KCNQ2: variants seen among roughly 807,000 people sequenced by gnomAD.
The protein encoded by KCNQ2 is potassium voltage-gated channel subfamily KQT member 2.
KCNQ2 carries 14 observed loss-of-function variants against 84.8 expected under a neutral mutation model. That is an observed-to-expected ratio of 0.17 (90% CI 0.11 to 0.26). The LOEUF (loss-of-function observed/expected upper bound fraction) is 0.26, where lower values mean the gene tolerates loss of function less well. KCNQ2 is among the 10% of genes least tolerant of loss of function. The pLI, the probability that KCNQ2 is intolerant of heterozygous loss-of-function variation, is 1.00. For synonymous variants in KCNQ2, 599 were observed against 554.1 expected, an observed-to-expected ratio of 1.08 and a Z score of -1.14; for missense variants, 788 against 1,254.0, an observed-to-expected ratio of 0.63 and a Z score of 5.61.
rs1379551414 is a variant in KCNQ2, at chr20:63,404,873, A to G, written c.*1771T>C. 6.6e-6 allele frequency: 1 copy of G among 152,304 alleles called. No individual in the cohort carries two copies. The highest frequency in any genetic ancestry group is 2.4e-5 in the African/African-American group (1 of 41,462). The allele number at this position is 152,304 out of a possible 1,614,324, so 9.4% of individuals were successfully genotyped here. A position where few individuals can be genotyped will look rare whatever the true frequency, so the allele number is the denominator to read the frequency against. On this transcript the variant is annotated 3_prime_UTR_variant, in exon 17 of 17. Transcript: ENST00000359125. Reference sequence around the variant, plus strand: ...TTGGCACCTTTTTGGGACAGGCTCCAGCACAGGGAGGGGTGAGGAGACAGC... The same window carrying G: ...TTGGCACCTTTTTGGGACAGGCTCCGGCACAGGGAGGGGTGAGGAGACAGC...
rs1040133709 is a variant in KCNQ2 at position 63,460,631 on chromosome 20, G to A, written c.296+11537C>T. 6.6e-5 allele frequency among the ~76,000 whole-genome samples: 10 copies of A among 152,160 alleles called. No individual in the cohort carries two copies. The highest frequency in any genetic ancestry group is 1.3e-4 in the Admixed American group (2 of 15,290). On this transcript the variant is annotated intron_variant, in intron 1 of 16. Transcript: ENST00000359125. The surrounding 1 kb of genome is among the most constrained non-coding windows in gnomAD (Gnocchi z 5.4). ...GGGCTCACCCCACAGAAAGAATCTC[G>A]TTCCAACACAAGCCCCTCCTGGGCC... is the stretch of plus-strand genomic sequence containing the variant.
At chr20:63,424,428 G>C in intron 10 of KCNQ2, 1 of 596,410 alleles carries the variant, frequency 1.7e-6, no homozygotes, top group South Asian at 2.0e-5. Context: ...AGAGGGAAGA[G>C]GGACTCCATG....
At chr20:63,462,537 C>T (rs1263783282) in intron 1 of KCNQ2, among the ~76,000 whole-genome samples, 1 of 152,240 alleles carries the variant, frequency 6.6e-6, no homozygotes. Flanking sequence ...CACCTTCTGT[C>T]TCCAGCCTGG....
At chr20:63,439,848 T>A in intron 5 of KCNQ2, 140 bp from the exon 6 acceptor site, 1 of 719,010 alleles carries the variant, frequency 1.4e-6, no homozygotes, top group Non-Finnish European at 2.5e-6. Context: ...GGAGGCCCAG[T>A]GAGGCCAGGG....
chr20:63,442,863 TCACCATCACCATTATCAC>T (rs2081239832), intron 4 of KCNQ2, among the ~76,000 whole-genome samples: 2 of 19,278 alleles, frequency 1.0e-4, no homozygotes, highest in Non-Finnish European at 1.8e-4. Flanking sequence ...ACCACCACCA[TCACCATCACCATTATCAC>T]CACCACCATC....
chr20:63,417,009 C>A (rs1439341844), intron 12 of KCNQ2, among the ~76,000 whole-genome samples: 1 of 152,184 alleles, frequency 6.6e-6, no homozygotes, highest in African/African-American at 2.4e-5. Flanking sequence ...TGGCCGAGAT[C>A]CCCCGAGTCC....
rs181157638 is a variant in KCNQ2, at chr20:63,452,577, T to G, written c.297-5740A>C. ...ATGGCGCAGCTGCGTGTATACAGAG[T>G]GTATGCATACAGTGGGCATCACGGG... is the stretch of plus-strand genomic sequence containing the variant. On this transcript the variant is annotated intron_variant, in intron 1 of 16. Coordinates refer to ENST00000359125, the MANE Select transcript of KCNQ2 (RefSeq NM_172107.4). 1.3e-4 allele frequency among the ~76,000 whole-genome samples: 20 copies of G among 151,976 alleles called. No homozygotes were observed. The East Asian group carries it at 3.9e-3, about 29-fold the overall frequency.
intron 15 of KCNQ2, chr20:63,413,189 A>G (rs2080175966): frequency 3.8e-6 from 2 of 530,260 alleles, no homozygotes; most frequent in Admixed American, 3.2e-5. Context: ...ACACACATGC[A>G]CACACACATT....
chr20:63,435,339 G>GT (rs1290051663), intron 7 of KCNQ2, among the ~76,000 whole-genome samples: 8 of 146,194 alleles, frequency 5.5e-5, no homozygotes, highest in African/African-American at 7.6e-5. Flanking sequence ...AGTGAGCCAA[G>GT]ATCACACAAC....
In KCNQ2 at chr20:63,401,982, C is replaced by T. The variant is rs1223008028; in HGVS notation, c.*4662G>A. On this transcript the variant is annotated 3_prime_UTR_variant, in exon 17 of 17. Coordinates refer to ENST00000359125, the MANE Select transcript of KCNQ2 (RefSeq NM_172107.4). ...CCACGGCAGGTCCAAGCCTCATGAGCCATCTCTCTCCCACCACATCTGCCG... is the reference window on the plus strand; with the variant it reads ...CCACGGCAGGTCCAAGCCTCATGAGTCATCTCTCTCCCACCACATCTGCCG... The T allele has an allele frequency of 5.6e-6, 1 of 177,426 alleles. No homozygotes were observed. Among genetic ancestry groups the T allele is most frequent in the African/African-American group, 2.5e-5 (1 of 40,054 alleles). The allele number at this position is 177,426 out of a possible 1,614,324, so 11.0% of individuals were successfully genotyped here.
At chr20:63,461,407 C>T (rs1221655415) in intron 1 of KCNQ2, among the ~76,000 whole-genome samples, 6 of 152,194 alleles carry the variant, frequency 3.9e-5, no homozygotes, top group Admixed American at 3.3e-4. Context: ...GATCATTCCT[C>T]GGGCACCTCC....
intron 4 of KCNQ2, among the ~76,000 whole-genome samples, 155 bp from the exon 5 acceptor site, chr20:63,442,686 T>TCACCAC (rs1568933748): frequency 4.1e-4 from 7 of 17,146 alleles, no homozygotes; most frequent in African/African-American, 7.8e-4. Context: ...ACCACCACCA[T>TCACCAC]CACCATCACC....
At chr20:63,424,030 G>A (rs758973016) in intron 11 of KCNQ2, 147 bp downstream of exon 11, 27 of 811,784 alleles carry the variant, frequency 3.3e-5, no homozygotes, top group Non-Finnish European at 4.5e-5. Context: ...ACCGCCAGGC[G>A]GGGGTCTGGA....
At position 63,472,401 on chromosome 20, in the gene KCNQ2, C is replaced by T; in HGVS notation, c.63G>A (p.Lys21=). Residue 21 remains lysine, a synonymous_variant, in exon 1 of 17, where the codon AAG becomes AAA. Coordinates refer to ENST00000359125, the MANE Select transcript of KCNQ2 (RefSeq NM_172107.4). ...YPGPSGEKKL[K]VGFVGLDPGA... ...CGGGGTCCAGCCCCACGAAGCCCAC[C>T]TTCAGCTTCTTCTCCCCGCTCGGGC... is the stretch of plus-strand genomic sequence containing the variant. The T allele has an allele frequency of 6.5e-7, 1 of 1,538,352 alleles. No individual in the cohort carries two copies. The highest frequency in any genetic ancestry group is 2.5e-5 in the East Asian group (1 of 39,666).
chr20:63,434,045 C>T, intron 7 of KCNQ2, 142 bp from the exon 8 acceptor site: 3 of 676,932 alleles, frequency 4.4e-6, no homozygotes, highest in Non-Finnish European at 7.6e-6. Flanking sequence ...GCAGGCCAGG[C>T]CCCAGTGCTG....
intron 5 of KCNQ2, 169 bp from the exon 6 acceptor site, chr20:63,439,877 C>T: frequency 3.0e-6 from 2 of 673,204 alleles, no homozygotes; most frequent in South Asian, 1.6e-5. Flanking sequence ...GGCCGCCCCT[C>T]ATCCCCTGAG....
In KCNQ2 at chr20:63,434,135, G is replaced by C; in HGVS notation, c.1024-232C>G. 3 of 553,868 alleles carry C rather than the reference G, an allele frequency of 5.4e-6. No homozygotes were observed. The South Asian group carries it at 7.5e-5, about 14-fold the overall frequency. The allele number at this position is 553,868 out of a possible 1,614,324, so 34.3% of individuals were successfully genotyped here. A position where few individuals can be genotyped will look rare whatever the true frequency, so the allele number is the denominator to read the frequency against. Reference sequence around the variant, plus strand: ...TGTCAGACGGTGGGGCCTGAAGGAGGGGAGCGGTTGGGGCTTGACTCGGGG... The same window carrying C: ...TGTCAGACGGTGGGGCCTGAAGGAGCGGAGCGGTTGGGGCTTGACTCGGGG... On this transcript the variant is annotated intron_variant, in intron 7 of 16. Coordinates refer to ENST00000359125, the MANE Select transcript of KCNQ2 (RefSeq NM_172107.4).
chr20:63,442,357 C>T (rs765839052), intron 5 of KCNQ2, 49 bp downstream of exon 5: 22 of 1,613,344 alleles, frequency 1.4e-5, no homozygotes, highest in Admixed American at 1.0e-4. Context: ...AGCACAGGGA[C>T]AGGGGTGTAT....
Position 63,402,287 on chromosome 20 carries a change from C to T in KCNQ2, c.*4357G>A, listed in dbSNP as rs1454907278. 2.8e-5 allele frequency: 5 copies of T among 176,446 alleles called. No homozygotes were observed. The highest frequency in any genetic ancestry group is 1.0e-4 in the South Asian group (1 of 9,764). The allele number at this position is 176,446 out of a possible 1,614,324, so 10.9% of individuals were successfully genotyped here. ...CGAGCTTTGTGAACCGTCCCTCTCA[C>T]GTCTGCTTTGAGGGTTTGTGTCAAT... On this transcript the variant is annotated 3_prime_UTR_variant, in exon 17 of 17. Transcript: ENST00000359125.
Sources: gnomAD v4.1 joint callset for allele counts (sites outside exome capture counted in the v4.1 genomes callset) on GRCh38, gnomAD v4.1.1 for gene constraint, Gnocchi (gnomAD v3.1) non-coding constraint, MANE v1.5 for transcripts, NCBI Gene and HGNC (gene_info 2026-07-23, HGNC 2026-07-21) for gene names.